The following TASOR variants were observed in gnomAD, a reference collection of about 807,000 sequenced individuals.
The protein encoded by TASOR is transcription activation suppressor.
A neutral mutation model predicts 178.6 loss-of-function variants in TASOR; 53 were observed. The observed-to-expected ratio is 0.30, with a 90% CI of 0.24 to 0.37. The LOEUF (loss-of-function observed/expected upper bound fraction) is 0.37. Ranked by LOEUF, TASOR falls within the 10% of genes least tolerant of loss-of-function variation. The pLI is 1.00. For synonymous variants in TASOR, 713 were observed against 696.2 expected (o/e 1.02, Z -0.38); for missense variants, 1,815 against 1,971.4 (o/e 0.92, Z 1.50).
At chr3:56,648,493 G>C (rs2077281380) in intron 13 of TASOR, among the ~76,000 whole-genome samples, 1 of 151,286 alleles carries the variant, frequency 6.6e-6, no homozygotes, top group African/African-American at 2.4e-5. Flanking sequence ...AGCTGGGAGT[G>C]GTGGTAGATG....
rs1311225369 is a variant in TASOR at position 56,641,359 on chromosome 3, T to C, written c.2609A>G (p.His870Arg). 6 of 1,588,658 alleles carry C rather than the reference T, an allele frequency of 3.8e-6. No homozygotes were observed. Among genetic ancestry groups the C allele is most frequent in the African/African-American group, 1.3e-5 (1 of 74,434 alleles). ...CAGCTATATGCTTACTTCTTTCAAA[T>C]GTAGCTTATGGTCAGTGCCCACTTC... ...TSEVGTDHKL[H>R]LKEDPNLISV... is the part of the protein sequence containing the mutation. Residue 870 changes from histidine to arginine, a missense_variant, in exon 15 of 24, where the codon CAT becomes CGT. By Grantham distance (29) the His-to-Arg change is conservative (BLOSUM62 0). Coordinates refer to ENST00000683822, the MANE Select transcript of TASOR (RefSeq NM_001365635.2).
chr3:56,621,598 A>T lies in TASOR; in HGVS notation c.*1439T>A, dbSNP rs759505821. On this transcript the variant is annotated 3_prime_UTR_variant, in exon 24 of 24. Transcript: ENST00000683822. ...GCCTTTAGCTGAAAATCAAGAAGAGAGTTTTGGTTCTTCATTTTAAATGTA... is the reference window on the plus strand; with the variant it reads ...GCCTTTAGCTGAAAATCAAGAAGAGTGTTTTGGTTCTTCATTTTAAATGTA... The T allele has an allele frequency of 4.4e-6, 7 of 1,598,470 alleles. No individual in the cohort carries two copies. Among genetic ancestry groups the T allele is most frequent in the South Asian group, 2.3e-5 (2 of 87,908 alleles).
At chr3:56,678,332 C>T (rs1428803779) in intron 1 of TASOR, among the ~76,000 whole-genome samples, 3 of 151,894 alleles carry the variant, frequency 2.0e-5, no homozygotes, top group African/African-American at 7.3e-5. Flanking sequence ...CAGGCACCCA[C>T]CACCAGGCCC....
At chr3:56,681,902 G>T (rs958017077) in intron 1 of TASOR, among the ~76,000 whole-genome samples, 2 of 151,982 alleles carry the variant, frequency 1.3e-5, no homozygotes, top group Admixed American at 1.3e-4. Flanking sequence ...TTTTTAACCT[G>T]AAGTTCTACC....
chr3:56,625,177 G>C lies in TASOR; in HGVS notation c.4140-171C>G, dbSNP rs867533610. Among the ~76,000 whole-genome samples, 5 of 151,502 alleles carry C rather than the reference G, an allele frequency of 3.3e-5. No individual in the cohort carries two copies. The South Asian group carries it at 6.2e-4, about 19-fold the overall frequency. ...TGCTTCTTTGGAAAGAAAGAAAGAA[G>C]GGATAAGTCCAGGGGTTTCTTGGTC... On this transcript the variant is annotated intron_variant, in intron 21 of 23. Transcript: ENST00000683822.
chr3:56,632,229 T>C lies in TASOR; in HGVS notation c.3747+815A>G, dbSNP rs928921791. On this transcript the variant is annotated intron_variant, in intron 18 of 23. Coordinates refer to ENST00000683822, the MANE Select transcript of TASOR (RefSeq NM_001365635.2). ...GGCCCACGCCTGTAATCTCAGCACTTTGGGAGGCTGAGGTGGACGGATCAC... is the reference window on the plus strand; with the variant it reads ...GGCCCACGCCTGTAATCTCAGCACTCTGGGAGGCTGAGGTGGACGGATCAC... Among the ~76,000 whole-genome samples the C allele has an allele frequency of 5.3e-5, 8 of 152,102 alleles. 1 individual carries two copies. The highest frequency in any genetic ancestry group is 1.9e-4 in the East Asian group (1 of 5,148).
At chr3:56,653,959 A>G (rs901918363) in intron 11 of TASOR, among the ~76,000 whole-genome samples, 8 of 152,188 alleles carry the variant, frequency 5.3e-5, no homozygotes, top group African/African-American at 1.9e-4. Context: ...AGAAATAGCA[A>G]AACAAGTCTC....
chr3:56,674,764 A>G (rs1484412829), intron 1 of TASOR, among the ~76,000 whole-genome samples: 1 of 152,204 alleles, frequency 6.6e-6, no homozygotes, highest in Non-Finnish European at 1.5e-5. Flanking sequence ...TATATGCCAC[A>G]TGCCACACTA....
intron 18 of TASOR, among the ~76,000 whole-genome samples, chr3:56,631,324 T>C (rs2076906806): frequency 6.6e-6 from 1 of 152,166 alleles, no homozygotes; most frequent in African/African-American, 2.4e-5. Flanking sequence ...ATAAAGCCCA[T>C]GGTCCCTCTG....
chr3:56,659,722 A>C (rs1387730089), intron 11 of TASOR, among the ~76,000 whole-genome samples: 1 of 152,162 alleles, frequency 6.6e-6, no homozygotes, highest in African/African-American at 2.4e-5. Context: ...AATCCTTCAA[A>C]ATCTGCTGCT....
rs1199499213 is a variant in TASOR at position 56,666,479 on chromosome 3, A to T, written c.898-95T>A. On this transcript the variant is annotated intron_variant, in intron 6 of 23. Coordinates refer to ENST00000683822, the MANE Select transcript of TASOR (RefSeq NM_001365635.2). Reference sequence around the variant, plus strand: ...ATTTCTGAGAAATAGAAAACCATATATGCACTTCTGACAAAAAATGTCTTT... The same window carrying T: ...ATTTCTGAGAAATAGAAAACCATATTTGCACTTCTGACAAAAAATGTCTTT... 16 of 954,170 alleles carry T rather than the reference A, an allele frequency of 1.7e-5. No individual in the cohort carries two copies. In the East Asian group the frequency reaches 3.3e-4, roughly 20 times the overall value. 59.1% of individuals were successfully genotyped at this position (954,170 alleles called of 1,614,324 possible). A position where few individuals can be genotyped will look rare whatever the true frequency, so the allele number is the denominator to read the frequency against.
chr3:56,630,056 C>G (rs2076877044), intron 18 of TASOR, among the ~76,000 whole-genome samples: 1 of 151,574 alleles, frequency 6.6e-6, no homozygotes. Context: ...AGCTCTGCCT[C>G]CTGGGTTCAC....
At position 56,633,233 on chromosome 3, in the gene TASOR, T is replaced by C. The variant is rs781503750; in HGVS notation, c.3558A>G (p.Pro1186=). The C allele has an allele frequency of 9.3e-6, 15 of 1,614,180 alleles. No individual in the cohort carries two copies. The highest frequency in any genetic ancestry group is 1.3e-5 in the Non-Finnish European group (15 of 1,180,020). The change falls in exon 18 of 24, where the codon CCA becomes CCG. Residue 1186 remains proline (P), a synonymous_variant. Coordinates refer to ENST00000683822, the MANE Select transcript of TASOR (RefSeq NM_001365635.2). ...TGGGGGATTTTGTTGTTTCTTCTACTGGTTCCCGGGCCATATCACCAGGTA... is the reference window on the plus strand; with the variant it reads ...TGGGGGATTTTGTTGTTTCTTCTACCGGTTCCCGGGCCATATCACCAGGTA... ...HIVPGDMARE[P]VEETTKSPSD...
intron 11 of TASOR, among the ~76,000 whole-genome samples, chr3:56,655,198 C>CT (rs1200765038): frequency 6.6e-6 from 1 of 151,852 alleles, no homozygotes; most frequent in Non-Finnish European, 1.5e-5. Context: ...TGTTATAAGG[C>CT]TTTTTTTTCT....
rs1578180011 is a variant in TASOR, at chr3:56,624,703, C to A, written c.4319-60G>T. 2.3e-5 allele frequency: 36 copies of A among 1,552,818 alleles called. No homozygotes were observed. In the East Asian group the frequency reaches 8.1e-4, roughly 35 times the overall value. ...CTTCAAAATATAGACAGCCCCTAGC[C>A]CTCACAAAATCTTTTCCTTCACATT... On this transcript the variant is annotated intron_variant, in intron 22 of 23. Coordinates refer to ENST00000683822, the MANE Select transcript of TASOR (RefSeq NM_001365635.2).
rs374077299 is a variant in TASOR, at chr3:56,666,230, C to T, written c.1022+30G>A. 1.2e-4 allele frequency: 175 copies of T among 1,503,522 alleles called. No homozygotes were observed. In the East Asian group the frequency reaches 3.7e-3, roughly 32 times the overall value. 93.1% of individuals were successfully genotyped at this position (1,503,522 alleles called of 1,614,324 possible). ...AGGATCTGTAGTAGAATTATCACTGCGGATGATGTCTAAAACTCCTAAGTC... is the reference window on the plus strand; with the variant it reads ...AGGATCTGTAGTAGAATTATCACTGTGGATGATGTCTAAAACTCCTAAGTC... On this transcript the variant is annotated intron_variant, in intron 7 of 23. Coordinates refer to ENST00000683822, the MANE Select transcript of TASOR (RefSeq NM_001365635.2).
intron 23 of TASOR, 32 bp from the exon 24 acceptor site, chr3:56,623,598 T>C (rs1275396082): frequency 1.9e-6 from 3 of 1,549,166 alleles, no homozygotes; most frequent in Admixed American, 2.1e-5. Context: ...TCCTCCTCTA[T>C]TGAAATACAC....
At chr3:56,668,357 G>A in intron 6 of TASOR, 40 bp downstream of exon 6, 2 of 1,536,518 alleles carry the variant, frequency 1.3e-6, no homozygotes, top group East Asian at 4.9e-5. Flanking sequence ...GTAACAAACA[G>A]GTATGAGATC....
chr3:56,640,705 A>G (rs2077103320), intron 15 of TASOR, among the ~76,000 whole-genome samples: 1 of 152,146 alleles, frequency 6.6e-6, no homozygotes, highest in Non-Finnish European at 1.5e-5. Context: ...GAGACAGTAA[A>G]TGAAGAAATA....
Sources: gnomAD v4.1 joint callset for allele counts (sites outside exome capture counted in the v4.1 genomes callset) on GRCh38, gnomAD v4.1.1 for gene constraint, MANE v1.5 for transcripts, NCBI Gene and HGNC (gene_info 2026-07-23, HGNC 2026-07-21) for gene names.